Variants in FBXO10 observed in about 807,000 individuals in gnomAD.
FBXO10 encodes the protein F-box only protein 10.
A neutral mutation model predicts 80.7 loss-of-function variants in FBXO10; 39 were observed. The observed-to-expected ratio is 0.48, with a 90% CI of 0.37 to 0.63. The LOEUF is 0.63. FBXO10 is among the 30% of genes least tolerant of loss of function. The pLI, the probability that FBXO10 is intolerant of heterozygous loss-of-function variation, is 0.00. For missense variants in FBXO10, 1,025 were observed against 1,269.0 expected (o/e 0.81, Z 2.92); for synonymous variants, 449 against 489.6 (o/e 0.92, Z 1.09).
At position 37,537,334 on chromosome 9, in the gene FBXO10, T is replaced by C. The variant is rs1821794130; in HGVS notation, c.1195A>G (p.Ile399Val). The change falls in exon 3 of 11, where the codon ATT (isoleucine) becomes GTT (valine). Residue 399 changes from isoleucine to valine, a missense_variant. Physicochemically the swap from Ile to Val is conservative, Grantham distance 29. Around this residue, in one of 3 missense-constraint regions of FBXO10, gnomAD observed 478 missense variants for 667.8 expected, o/e 0.72. Transcript: ENST00000432825. ...FLGPPLPGAS[I>V]QLPSCLVLNS... ...AGCACTAGGCAGCTGGGCAGCTGAA[T>C]GGATGCTCCTGGTAGAGGTGGGCCC... The C allele has an allele frequency of 1.9e-6, 3 of 1,606,494 alleles. No homozygotes were observed. Among genetic ancestry groups the C allele is most frequent in the Non-Finnish European group, 2.6e-6 (3 of 1,176,092 alleles).
At chr9:37,569,520 A>G (rs1822695466) in intron 1 of FBXO10, among the ~76,000 whole-genome samples, 1 of 151,828 alleles carries the variant, frequency 6.6e-6, no homozygotes, top group South Asian at 2.1e-4. Context: ...AGAAGATTTG[A>G]ACACCATTAA....
intron 3 of FBXO10, among the ~76,000 whole-genome samples, chr9:37,533,986 A>G (rs1821692225): frequency 6.6e-6 from 1 of 152,150 alleles, no homozygotes; most frequent in African/African-American, 2.4e-5. Flanking sequence ...AGATGACTGA[A>G]GTGTGGGAGG....
chr9:37,533,272 G>A (rs1821673973), intron 3 of FBXO10, among the ~76,000 whole-genome samples: 1 of 152,224 alleles, frequency 6.6e-6, no homozygotes, highest in Non-Finnish European at 1.5e-5. Context: ...CAGGCCAGGT[G>A]TGGTGGCTCA....
chr9:37,530,945 CT>C lies in FBXO10; in HGVS notation c.1569+963del, dbSNP rs1821605758. 2.0e-5 allele frequency among the ~76,000 whole-genome samples: 3 copies of C among 152,298 alleles called. No homozygotes were observed. In the South Asian group the frequency reaches 6.2e-4, roughly 32 times the overall value. On this transcript the variant is annotated intron_variant, in intron 4 of 10. Coordinates refer to ENST00000432825, the MANE Select transcript of FBXO10 (RefSeq NM_012166.3). Reference sequence around the variant, plus strand: ...CATAAGCCACTGTGCCCAGCCTTCTCTCTGTATCTTTATGGGCAGTTAAGAT... The same window carrying C: ...CATAAGCCACTGTGCCCAGCCTTCTCCTGTATCTTTATGGGCAGTTAAGAT...
chr9:37,565,583 T>C (rs1247928454), intron 1 of FBXO10, among the ~76,000 whole-genome samples: 1 of 152,220 alleles, frequency 6.6e-6, no homozygotes, highest in East Asian at 1.9e-4. Context: ...TGGATCAGAT[T>C]TGGCATTTTA....
At chr9:37,560,807 G>A (rs1160557016) in intron 1 of FBXO10, among the ~76,000 whole-genome samples, 1 of 152,066 alleles carries the variant, frequency 6.6e-6, no homozygotes, top group African/African-American at 2.4e-5. Context: ...AGGGAGTATG[G>A]CCTGAAGTAG....
intron 1 of FBXO10, among the ~76,000 whole-genome samples, chr9:37,569,880 A>C (rs1822703947): frequency 6.6e-6 from 1 of 152,266 alleles, no homozygotes; most frequent in South Asian, 2.1e-4. Flanking sequence ...CACTGACCAC[A>C]GTCATAATTA....
intron 10 of FBXO10, among the ~76,000 whole-genome samples, chr9:37,513,461 T>TGAA (rs1821111976): frequency 1.3e-5 from 2 of 152,326 alleles, no homozygotes; most frequent in Admixed American, 1.3e-4. Context: ...TTGAAAGGAA[T>TGAA]GAACGCCTTA....
At chr9:37,555,913 T>C (rs934831670) in intron 1 of FBXO10, among the ~76,000 whole-genome samples, 9 of 152,202 alleles carry the variant, frequency 5.9e-5, no homozygotes, top group African/African-American at 2.2e-4. Flanking sequence ...GCTTTGTTAA[T>C]TCCTAAGTCA....
At chr9:37,515,768 C>T (rs1457218613) in intron 10 of FBXO10, 136 bp downstream of exon 10, 2 of 923,128 alleles carry the variant, frequency 2.2e-6, no homozygotes, top group Non-Finnish European at 3.4e-6. Flanking sequence ...AGGCACAGGC[C>T]TTTTTCTGAC....
At chr9:37,553,040 G>C (rs1822243302) in intron 1 of FBXO10, among the ~76,000 whole-genome samples, 1 of 150,666 alleles carries the variant, frequency 6.6e-6, no homozygotes, top group South Asian at 2.1e-4. Flanking sequence ...GTGTGTGTGT[G>C]TGTGTGTGTG....
intron 1 of FBXO10, among the ~76,000 whole-genome samples, chr9:37,548,329 G>A (rs1197153605): frequency 6.6e-6 from 1 of 151,396 alleles, no homozygotes; most frequent in Non-Finnish European, 1.5e-5. Context: ...AGGTTGCAGT[G>A]AGCTGAGATT....
At chr9:37,550,699 G>T (rs1479990217) in intron 1 of FBXO10, among the ~76,000 whole-genome samples, 1 of 152,060 alleles carries the variant, frequency 6.6e-6, no homozygotes, top group East Asian at 1.9e-4. Flanking sequence ...GGCTGGTCTT[G>T]AACTCCTGGC....
intron 6 of FBXO10, among the ~76,000 whole-genome samples, chr9:37,524,089 A>G (rs1269831210): frequency 1.3e-5 from 2 of 151,952 alleles, no homozygotes; most frequent in Admixed American, 6.6e-5. Context: ...CTTGTGCACC[A>G]CACTCCAGTC....
At chr9:37,529,813 G>A (rs2119088741) in intron 4 of FBXO10, among the ~76,000 whole-genome samples, 1 of 151,924 alleles carries the variant, frequency 6.6e-6, no homozygotes, top group East Asian at 1.9e-4. Context: ...GAAGGTGTAT[G>A]AGCTACAGAA....
chr9:37,576,096 C>T (rs1822888730), intron 1 of FBXO10, 115 bp downstream of exon 1: 1 of 152,276 alleles, frequency 6.6e-6, no homozygotes, highest in Non-Finnish European at 1.5e-5. Context: ...ACCAGACGCT[C>T]AGCCTCGGCC....
At chr9:37,574,580 T>C (rs1172602390) in intron 1 of FBXO10, among the ~76,000 whole-genome samples, 1 of 152,190 alleles carries the variant, frequency 6.6e-6, no homozygotes, top group Admixed American at 6.5e-5. Flanking sequence ...AAGCAGCTTT[T>C]TCTCCAGTCT....
intron 10 of FBXO10, among the ~76,000 whole-genome samples, chr9:37,513,072 C>A (rs1821103743): frequency 6.6e-6 from 1 of 152,190 alleles, no homozygotes; most frequent in Non-Finnish European, 1.5e-5. Flanking sequence ...CTCAAGTGAT[C>A]CTCCCACCTC....
At chr9:37,522,338 T>C in intron 7 of FBXO10, 1 of 999,980 alleles carries the variant, frequency 1.0e-6, no homozygotes, top group Non-Finnish European at 1.2e-6. Context: ...AAGGGCTGAG[T>C]AGAGAGGTGG....
Sources: gnomAD v4.1 joint callset for allele counts (sites outside exome capture counted in the v4.1 genomes callset) on GRCh38, gnomAD v4.1.1 for gene constraint, gnomAD v4.1.1 regional missense constraint, MANE v1.5 for transcripts, NCBI Gene and HGNC (gene_info 2026-07-23, HGNC 2026-07-21) for gene names.